The following ATXN7L2 variants were observed in gnomAD, a reference collection of about 807,000 sequenced individuals.
ATXN7L2 encodes the protein ataxin 7 like 2.
ATXN7L2 carries 17 observed loss-of-function variants against 59.6 expected under a neutral mutation model. The ratio of observed to expected loss-of-function variants is 0.29; its 90% CI spans 0.20 to 0.43. The LOEUF (loss-of-function observed/expected upper bound fraction) is 0.43, where lower values mean the gene tolerates loss of function less well. ATXN7L2 is among the 20% of genes least tolerant of loss of function. The pLI is 1.00. For synonymous variants in ATXN7L2, 378 were observed against 392.5 expected, an observed-to-expected ratio of 0.96 and a Z score of 0.44; for missense variants, 858 against 1,008.9, an observed-to-expected ratio of 0.85 and a Z score of 2.03.
Position 109,490,190 on chromosome 1 carries a change from G to C in ATXN7L2, c.1332+62G>C, listed in dbSNP as rs1656932304. ...CCCAGCACTCCTGGCCAACAACATG[G>C]GGAGGAGGCCAGATCCTGTGTGCAG... On this transcript the variant is annotated intron_variant, in intron 8 of 10. Coordinates refer to ENST00000683729, the MANE Select transcript of ATXN7L2 (RefSeq NM_001350175.2). 4 of 1,579,008 alleles carry C rather than the reference G, an allele frequency of 2.5e-6. No individual in the cohort carries two copies. The Admixed American group carries it at 7.0e-5, about 27-fold the overall frequency.
intron 1 of ATXN7L2, among the ~76,000 whole-genome samples, chr1:109,484,693 T>A (rs1656447078): frequency 6.6e-6 from 1 of 152,208 alleles, no homozygotes; most frequent in South Asian, 2.1e-4. Context: ...TACTCTCACC[T>A]TCTCTAGGCC....
rs1202717497 is a variant in ATXN7L2, at chr1:109,489,968, G to A, written c.1172G>A (p.Gly391Asp). ...TCCGAGAGTGAATTGGATGATGAAG[G>A]CCCCTGTGGTGGTGATGGGGACCCA... ...ASSESELDDE[G>D]PCGGDGDPGL... is the part of the protein sequence containing the mutation. The change falls in exon 8 of 11, where the codon GGC becomes GAC. Residue 391 changes from glycine (G) to aspartate (D), a missense_variant. By Grantham distance (94) the Gly-to-Asp change is moderately conservative. Coordinates refer to ENST00000683729, the MANE Select transcript of ATXN7L2 (RefSeq NM_001350175.2). 1.2e-6 allele frequency: 2 copies of A among 1,613,612 alleles called. No homozygotes were observed. The highest frequency in any genetic ancestry group is 1.7e-6 in the Non-Finnish European group (2 of 1,179,946).
rs1656615093 is a variant in ATXN7L2, at chr1:109,486,822, A to G, written c.299-185A>G. Among the ~76,000 whole-genome samples, 1 of 152,208 alleles carries G rather than the reference A, an allele frequency of 6.6e-6. No homozygotes were observed. Among genetic ancestry groups the G allele is most frequent in the African/African-American group, 2.4e-5 (1 of 41,434 alleles). ...GTGGAATTACGGGAGGAGTTAAGAC[A>G]TTCAGGAAGCTGGGTCTTGAATTTT... On this transcript the variant is annotated intron_variant, in intron 3 of 10. Coordinates refer to ENST00000683729, the MANE Select transcript of ATXN7L2 (RefSeq NM_001350175.2). This position sits in a 1 kb window ranked among gnomAD's most constrained non-coding sequence, Gnocchi z 4.3.
At position 109,491,621 on chromosome 1, in the gene ATXN7L2, C is replaced by T. The variant is rs754759508; in HGVS notation, c.2154C>T (p.His718=). Residue 718 remains histidine (H), a synonymous_variant, in exon 10 of 11, where the codon CAC becomes CAT. Coordinates refer to ENST00000683729, the MANE Select transcript of ATXN7L2 (RefSeq NM_001350175.2). This position sits in a 1 kb window ranked among gnomAD's most constrained non-coding sequence, Gnocchi z 4.1. ...ATTGCCGGCCAGTGAAGGCCAAGCA[C>T]TGTCAGGCTGGTGCCCCTGCTGATG... is the stretch of plus-strand genomic sequence containing the variant. ...ATYCRPVKAK[H]CQAGAPADVA... 7 of 1,613,518 alleles carry T rather than the reference C, an allele frequency of 4.3e-6. No individual in the cohort carries two copies. Among genetic ancestry groups the T allele is most frequent in the Middle Eastern group, 1.7e-4 (1 of 5,976 alleles).
chr1:109,486,090 A>G lies in ATXN7L2; in HGVS notation c.161A>G (p.Lys54Arg), dbSNP rs773493927. The G allele has an allele frequency of 2.5e-6, 4 of 1,600,996 alleles. No individual in the cohort carries two copies. The highest frequency in any genetic ancestry group is 1.8e-5 in the Admixed American group (1 of 57,074). ...CTGGAGGAGAGTAGCAAAAACACGA[A>G]GAAGTTGGATGCCATGACCCTCATT... ...AELEESSKNT[K>R]KLDAMTLIKE... is the part of the protein sequence containing the mutation. Residue 54 changes from lysine to arginine, a missense_variant, in exon 2 of 11, where the codon AAG becomes AGG. This residue lies in a region of ATXN7L2 where 95 missense variants were observed against 82.6 expected (regional missense o/e 1.15). Coordinates refer to ENST00000683729, the MANE Select transcript of ATXN7L2 (RefSeq NM_001350175.2). The surrounding 1 kb of genome is among the most constrained non-coding windows in gnomAD (Gnocchi z 4.3).
In ATXN7L2 at chr1:109,486,749, A is replaced by G; in HGVS notation, c.298+139A>G. On this transcript the variant is annotated intron_variant, in intron 3 of 10. Transcript: ENST00000683729. The surrounding 1 kb of genome is among the most constrained non-coding windows in gnomAD (Gnocchi z 4.3). ...AGGAAGGTTGTGGGGGTGGCTTCAG[A>G]GCATTGTGGGGAGTCGGGTTATTGT... 1.2e-6 allele frequency: 1 copy of G among 802,112 alleles called. No homozygotes were observed. The highest frequency in any genetic ancestry group is 2.0e-6 in the Non-Finnish European group (1 of 508,132). 49.7% of individuals were successfully genotyped at this position (802,112 alleles called of 1,614,324 possible).
Position 109,488,799 on chromosome 1 carries a change from T to C in ATXN7L2, c.880-48T>C. On this transcript the variant is annotated intron_variant, in intron 6 of 10. Coordinates refer to ENST00000683729, the MANE Select transcript of ATXN7L2 (RefSeq NM_001350175.2). The surrounding 1 kb of genome is among the most constrained non-coding windows in gnomAD (Gnocchi z 5.0). The stretch of plus-strand genomic sequence containing the variant: ...AAAGCACCCTGCCGTCCCTCACCCC[T>C]TCTCAGTTCATACCTACTCCCCAGC... 6.3e-7 allele frequency: 1 copy of C among 1,581,278 alleles called. No individual in the cohort carries two copies. The highest frequency in any genetic ancestry group is 1.7e-5 in the Admixed American group (1 of 57,482).
chr1:109,486,135 A>G lies in ATXN7L2; in HGVS notation c.193+13A>G. On this transcript the variant is annotated intron_variant, in intron 2 of 10. Coordinates refer to ENST00000683729, the MANE Select transcript of ATXN7L2 (RefSeq NM_001350175.2). This position sits in a 1 kb window ranked among gnomAD's most constrained non-coding sequence, Gnocchi z 4.3. ...CTCATTAAAGAAGGTGGGAGTCGAC[A>G]CACATTAGGGCTGGGACCCAGGGCA... 1 of 1,580,722 alleles carries G rather than the reference A, an allele frequency of 6.3e-7. No homozygotes were observed. Among genetic ancestry groups the G allele is most frequent in the Non-Finnish European group, 8.6e-7 (1 of 1,166,338 alleles).
At position 109,486,280 on chromosome 1, in the gene ATXN7L2, C is replaced by T; in HGVS notation, c.193+158C>T. On this transcript the variant is annotated intron_variant, in intron 2 of 10. Transcript: ENST00000683729. This position sits in a 1 kb window ranked among gnomAD's most constrained non-coding sequence, Gnocchi z 4.3. ...GGCCGGTTGTTCTGGCTCCTGTGACCTGTCGTTGGAGATCATAATCATAGG... is the reference window on the plus strand; with the variant it reads ...GGCCGGTTGTTCTGGCTCCTGTGACTTGTCGTTGGAGATCATAATCATAGG... The T allele has an allele frequency of 2.5e-6, 3 of 1,212,126 alleles. No individual in the cohort carries two copies. Among genetic ancestry groups the T allele is most frequent in the Non-Finnish European group, 3.4e-6 (3 of 894,330 alleles). The allele number at this position is 1,212,126 out of a possible 1,614,324, so 75.1% of individuals were successfully genotyped here. A position where few individuals can be genotyped will look rare whatever the true frequency, so the allele number is the denominator to read the frequency against.
rs1490980192 is a variant in ATXN7L2, at chr1:109,488,478, C to T, written c.879+13C>T. The T allele has an allele frequency of 1.2e-6, 2 of 1,602,688 alleles. No individual in the cohort carries two copies. Among genetic ancestry groups the T allele is most frequent in the East Asian group, 2.2e-5 (1 of 44,802 alleles). ...GTTGACCTGCAAGGTAACCCCCTTC[C>T]CACTGCACGGTGAGGGAGGACAGCA... On this transcript the variant is annotated intron_variant, in intron 6 of 10. Coordinates refer to ENST00000683729, the MANE Select transcript of ATXN7L2 (RefSeq NM_001350175.2). This position sits in a 1 kb window ranked among gnomAD's most constrained non-coding sequence, Gnocchi z 5.0.
intron 1 of ATXN7L2, 45 bp downstream of exon 1, chr1:109,484,125 C>T (rs959112488): frequency 2.1e-6 from 3 of 1,400,664 alleles, no homozygotes; most frequent in Non-Finnish European, 2.8e-6. Flanking sequence ...TCACTATCTC[C>T]CCTCCCCCCT....
Position 109,491,340 on chromosome 1 carries a change from G to A in ATXN7L2, c.1873G>A (p.Gly625Arg), listed in dbSNP as rs755600495. 4.3e-6 allele frequency: 7 copies of A among 1,614,286 alleles called. No individual in the cohort carries two copies. In the South Asian group the frequency reaches 5.5e-5, roughly 13 times the overall value. ...CTGCATCCTGGAGCCCACTGGAAAA[G>A]GGAAACCCTCTGGCTGTAGGGGCCT... is the stretch of plus-strand genomic sequence containing the variant. The part of the protein sequence containing the change: ...RTCILEPTGK[G>R]KPSGCRGLSA... Residue 625 changes from glycine (G) to arginine (R), a missense_variant, in exon 10 of 11, where the codon GGG (glycine) becomes AGG (arginine). Physicochemically the swap from Gly to Arg is moderately radical, Grantham distance 125. Around this residue, in one of 3 missense-constraint regions of ATXN7L2, gnomAD observed 734 missense variants for 862.3 expected, o/e 0.85. Transcript: ENST00000683729. The surrounding 1 kb of genome is among the most constrained non-coding windows in gnomAD (Gnocchi z 4.1).
chr1:109,485,684 G>C, intron 1 of ATXN7L2: 1 of 999,596 alleles, frequency 1.0e-6, no homozygotes, highest in South Asian at 4.7e-5. Context: ...AGCAGGCCCA[G>C]AAAAGAGATG....
chr1:109,492,647 C>G lies in ATXN7L2; in HGVS notation c.*47C>G. ...CAACGGAGCCGCCAGCACCTCCTCC[C>G]CTCCAGATCCGGGCCCCAGGCTGCT... is the stretch of plus-strand genomic sequence containing the variant. On this transcript the variant is annotated 3_prime_UTR_variant, in exon 11 of 11. Transcript: ENST00000683729. The G allele has an allele frequency of 1.2e-6, 2 of 1,609,562 alleles. No individual in the cohort carries two copies.
At chr1:109,485,542 G>C (rs780710118) in intron 1 of ATXN7L2, 11 of 985,574 alleles carry the variant, frequency 1.1e-5, no homozygotes, top group Non-Finnish European at 1.3e-5. Flanking sequence ...GAGTTCATGG[G>C]GGTGGGGACC....
intron 1 of ATXN7L2, chr1:109,485,620 A>G (rs1656531005): frequency 1.0e-6 from 1 of 986,314 alleles, no homozygotes. Flanking sequence ...TCAAGAAGAG[A>G]CTCAGGGACT....
At chr1:109,490,490 A>C in intron 9 of ATXN7L2, 98 bp downstream of exon 9, 1 of 1,488,782 alleles carries the variant, frequency 6.7e-7, no homozygotes, top group Non-Finnish European at 9.0e-7. Flanking sequence ...CTGTATACCC[A>C]TAGGTGTGCC....
Position 109,488,534 on chromosome 1 carries a change from GA to G in ATXN7L2, c.879+70del. 6.8e-7 allele frequency: 1 copy of G among 1,476,586 alleles called. No homozygotes were observed. The highest frequency in any genetic ancestry group is 9.3e-7 in the Non-Finnish European group (1 of 1,073,120). The allele number at this position is 1,476,586 out of a possible 1,614,324, so 91.5% of individuals were successfully genotyped here. ...CTTGCCCACTCCTTCCCTGGGCAAA[GA>G]GAGGAATGTCGATGTTACTGAAGGT... On this transcript the variant is annotated intron_variant, in intron 6 of 10. Coordinates refer to ENST00000683729, the MANE Select transcript of ATXN7L2 (RefSeq NM_001350175.2). The surrounding 1 kb of genome is among the most constrained non-coding windows in gnomAD (Gnocchi z 5.0).
chr1:109,485,138 A>T, intron 1 of ATXN7L2: 2 of 467,578 alleles, frequency 4.3e-6, no homozygotes, highest in Non-Finnish European at 2.8e-6. Flanking sequence ...GGGTGGGCAA[A>T]GATGGGGCCA....
Sources: allele counts gnomAD v4.1 joint callset (sites outside exome capture counted in the v4.1 genomes callset), GRCh38; gene constraint gnomAD v4.1.1; regional missense constraint gnomAD v4.1.1; non-coding constraint Gnocchi (gnomAD v3.1); transcripts MANE v1.5; gene names NCBI Gene and HGNC (gene_info 2026-07-23, HGNC 2026-07-21).